The following ME3 variants were observed in gnomAD, a reference collection of about 807,000 sequenced individuals.
The protein encoded by ME3 is NADP-dependent malic enzyme, mitochondrial.
ME3 carries 48 observed loss-of-function variants against 68.9 expected under a neutral mutation model. The observed-to-expected ratio is 0.70, with a 90% CI of 0.55 to 0.89. The LOEUF is 0.89. ME3 is among the 40% of genes least tolerant of loss of function. ME3 has a pLI of 0.00. For missense variants in ME3, 675 were observed against 797.4 expected, an observed-to-expected ratio of 0.85 and a Z score of 1.85; for synonymous variants, 320 against 318.8, an observed-to-expected ratio of 1.00 and a Z score of -0.04.
intron 2 of ME3, among the ~76,000 whole-genome samples, chr11:86,657,594 G>A (rs1047841512): frequency 2.0e-5 from 3 of 152,064 alleles, no homozygotes; most frequent in East Asian, 1.9e-4. Context: ...CATTCTGCAC[G>A]TGTATCCCAG....
intron 7 of ME3, among the ~76,000 whole-genome samples, chr11:86,483,027 G>T (rs1231442492): frequency 6.6e-6 from 1 of 152,244 alleles, no homozygotes; most frequent in African/African-American, 2.4e-5. Flanking sequence ...CAAGAGGCAA[G>T]TGAACAGTCT....
At chr11:86,524,114 A>G (rs1016364176) in intron 4 of ME3, among the ~76,000 whole-genome samples, 2 of 152,208 alleles carry the variant, frequency 1.3e-5, no homozygotes, top group Non-Finnish European at 2.9e-5. Context: ...GGCTGTGAAC[A>G]TGGCACAGAC....
chr11:86,513,162 T>C (rs547231731), intron 4 of ME3, among the ~76,000 whole-genome samples: 1 of 152,286 alleles, frequency 6.6e-6, no homozygotes, highest in South Asian at 2.1e-4. Context: ...TAGGCCCTCT[T>C]TGTTGAAGAT....
At chr11:86,447,326 T>C (rs187434642) in intron 11 of ME3, 119 bp from the exon 12 acceptor site, 1 of 1,363,970 alleles carries the variant, frequency 7.3e-7, no homozygotes, top group African/African-American at 1.4e-5. Context: ...GGGCCCAGCA[T>C]CTGCCACAAG....
In ME3 at chr11:86,639,041, T is replaced by G. The variant is rs117413760; in HGVS notation, c.183+32721A>C. The stretch of plus-strand genomic sequence containing the variant: ...ACTACAATACCCCAAAAATAGAAGT[T>G]TGCAGGTAACACAGCAGAGCCTCTC... On this transcript the variant is annotated intron_variant, in intron 2 of 14. Coordinates refer to ENST00000543262, the Ensembl canonical transcript of ME3. Among the ~76,000 whole-genome samples the G allele has an allele frequency of 3.3e-3, 510 of 152,246 alleles. 2 individuals carry two copies. Among genetic ancestry groups the G allele is most frequent in the Admixed American group, 6.0e-3 (92 of 15,284 alleles).
chr11:86,588,829 C>T (rs1162893607), intron 2 of ME3, among the ~76,000 whole-genome samples: 1 of 152,184 alleles, frequency 6.6e-6, no homozygotes, highest in Non-Finnish European at 1.5e-5. Context: ...ATTTAAAGAT[C>T]TCTGGGCACA....
chr11:86,668,358 T>C (rs1283434112), intron 2 of ME3: 1 of 152,254 alleles, frequency 6.6e-6, no homozygotes, highest in Non-Finnish European at 1.5e-5. Flanking sequence ...TCCATCTTTA[T>C]TAACTTCAAT....
intron 5 of ME3, among the ~76,000 whole-genome samples, chr11:86,502,309 C>G (rs372628636): frequency 1.2e-4 from 18 of 152,340 alleles, no homozygotes; most frequent in African/African-American, 4.3e-4. Flanking sequence ...ATTTTCCTCA[C>G]CTACTAAACC....
At chr11:86,460,577 G>C (rs1014983258) in intron 8 of ME3, among the ~76,000 whole-genome samples, 27 of 152,178 alleles carry the variant, frequency 1.8e-4, no homozygotes, top group Non-Finnish European at 5.9e-5. Context: ...CTCGATTCCA[G>C]CCCCCTCCAT....
chr11:86,498,789 A>C (rs1384487647), intron 5 of ME3, among the ~76,000 whole-genome samples: 2 of 152,192 alleles, frequency 1.3e-5, no homozygotes, highest in African/African-American at 2.4e-5. Context: ...AATGAAGCTG[A>C]TGATGATGAT....
At chr11:86,559,874 C>A in intron 2 of ME3, 51 bp from the exon 3 acceptor site, 1 of 1,584,044 alleles carries the variant, frequency 6.3e-7, no homozygotes, top group Non-Finnish European at 8.6e-7. Context: ...ACTCAGGAGA[C>A]AAAGGAACAG....
intron 4 of ME3, among the ~76,000 whole-genome samples, chr11:86,516,301 T>C (rs1253896289): frequency 1.3e-5 from 2 of 152,200 alleles, no homozygotes; most frequent in East Asian, 3.8e-4. Flanking sequence ...AATAGATGTC[T>C]TGCTTTACAT....
downstream of ME3, among the ~76,000 whole-genome samples, chr11:86,439,596 G>T (rs1487604544): frequency 6.6e-6 from 1 of 152,260 alleles, no homozygotes; most frequent in Non-Finnish European, 1.5e-5. Flanking sequence ...AGCATGGATA[G>T]TATCAGCACA....
intron 2 of ME3, among the ~76,000 whole-genome samples, chr11:86,568,986 ACTT>A: frequency 6.6e-6 from 1 of 152,194 alleles, no homozygotes; most frequent in East Asian, 1.9e-4. Context: ...TGCTTCTCCC[ACTT>A]ATTAAATGAA....
At chr11:86,487,298 A>G (rs776691830) in intron 7 of ME3, 39 bp downstream of exon 7, 8 of 1,550,508 alleles carry the variant, frequency 5.2e-6, no homozygotes, top group Non-Finnish European at 7.1e-6. Flanking sequence ...GGCATCTCTT[A>G]AAAGTCCTCT....
chr11:86,572,273 GA>G (rs1350617309), intron 2 of ME3, among the ~76,000 whole-genome samples: 1 of 141,334 alleles, frequency 7.1e-6, no homozygotes, highest in African/African-American at 2.6e-5. Context: ...TAACTAAAGG[GA>G]ATTTTTTTTT....
chr11:86,467,098 C>T (rs1374311163), intron 7 of ME3, among the ~76,000 whole-genome samples: 1 of 152,162 alleles, frequency 6.6e-6, no homozygotes, highest in African/African-American at 2.4e-5. Flanking sequence ...TATATGTGTA[C>T]AGTGTGAAAT....
intron 2 of ME3, among the ~76,000 whole-genome samples, chr11:86,597,708 G>C (rs1006206852): frequency 6.6e-6 from 1 of 152,084 alleles, no homozygotes; most frequent in East Asian, 1.9e-4. Flanking sequence ...GATTTATTTC[G>C]AGCCAAATAT....
At chr11:86,591,878 A>C (rs1197646377) in intron 2 of ME3, among the ~76,000 whole-genome samples, 1 of 152,098 alleles carries the variant, frequency 6.6e-6, no homozygotes, top group Non-Finnish European at 1.5e-5. Flanking sequence ...CTCCCACAAC[A>C]CGTGGGAATT....
Sources: allele counts gnomAD v4.1 joint callset (sites outside exome capture counted in the v4.1 genomes callset), GRCh38; gene constraint gnomAD v4.1.1; transcripts MANE v1.5; gene names NCBI Gene and HGNC (gene_info 2026-07-23, HGNC 2026-07-21).